Variants in OTUD7A observed in about 807,000 individuals in gnomAD.
The protein encoded by OTUD7A is OTU deubiquitinase 7A.
Under a neutral mutation model 65.7 loss-of-function variants are expected in OTUD7A, and 12 were observed. The ratio of observed to expected loss-of-function variants is 0.18; its 90% CI spans 0.12 to 0.30. The LOEUF (loss-of-function observed/expected upper bound fraction) is 0.30, where lower values mean the gene tolerates loss of function less well. Ranked by LOEUF, OTUD7A falls within the 10% of genes least tolerant of loss-of-function variation. OTUD7A has a pLI of 1.00. For synonymous variants in OTUD7A, 641 were observed against 586.3 expected (o/e 1.09, Z -1.35); for missense variants, 1,148 against 1,304.8 (o/e 0.88, Z 1.85).
intron 1 of OTUD7A, among the ~76,000 whole-genome samples, chr15:31,735,324 A>G (rs1894158270): frequency 6.6e-6 from 1 of 152,134 alleles, no homozygotes; most frequent in South Asian, 2.1e-4. Flanking sequence ...TCAGGGGTTC[A>G]AGACCAGCCT....
intron 4 of OTUD7A, among the ~76,000 whole-genome samples, chr15:31,567,463 A>G (rs1381415286): frequency 6.6e-6 from 1 of 152,206 alleles, no homozygotes; most frequent in East Asian, 1.9e-4. Flanking sequence ...GGGAAGCAGA[A>G]TGTAAAAGGG....
Position 31,511,141 on chromosome 15 carries a change from TAC to T in OTUD7A, c.894-7325_894-7324del, listed in dbSNP as rs796533165. On this transcript the variant is annotated intron_variant, in intron 8 of 12. Coordinates refer to ENST00000307050, the MANE Select transcript of OTUD7A (RefSeq NM_001382637.1). ...TACATATGTATATCTATATGTAACA[TAC>T]ATATGTATATCTATATGTAACATAC... Among the ~76,000 whole-genome samples, 57 of 20,034 alleles carry T rather than the reference TAC, an allele frequency of 2.8e-3. 19 individuals carry two copies. Among genetic ancestry groups the T allele is most frequent in the Non-Finnish European group, 3.8e-3 (47 of 12,258 alleles). 13.1% of individuals were successfully genotyped at this position (20,034 alleles called of 152,430 possible).
chr15:31,748,380 T>A (rs987382773), intron 1 of OTUD7A, among the ~76,000 whole-genome samples: 2 of 151,558 alleles, frequency 1.3e-5, no homozygotes, highest in African/African-American at 4.8e-5. Context: ...TGTGCCTATA[T>A]ATACACAAAC....
chr15:31,687,821 G>C (rs1892873134), intron 1 of OTUD7A, among the ~76,000 whole-genome samples: 1 of 152,308 alleles, frequency 6.6e-6, no homozygotes, highest in Admixed American at 6.5e-5. Flanking sequence ...ACCATCAAGG[G>C]ATGCTAAGAT....
rs140728111 is a variant in OTUD7A at position 31,487,227 on chromosome 15, G to A, written c.1338C>T (p.Asn446=). Residue 446 remains asparagine, a synonymous_variant, in exon 12 of 13, where the codon AAC becomes AAT. Coordinates refer to ENST00000307050, the MANE Select transcript of OTUD7A (RefSeq NM_001382637.1). This position sits in a 1 kb window ranked among gnomAD's most constrained non-coding sequence, Gnocchi z 6.0. ...AKLNLLHSYM[N]VTWIRIPSET... ...CGGAGGGGATCCGGATCCACGTCAC[G>A]TTCATGTAGCTGTGCAGAAGGTTCA... is the stretch of plus-strand genomic sequence containing the variant. 176 of 1,614,064 alleles carry A rather than the reference G, an allele frequency of 1.1e-4. No homozygotes were observed. In the African/African-American group the frequency reaches 1.9e-3, roughly 18 times the overall value.
intron 3 of OTUD7A, among the ~76,000 whole-genome samples, chr15:31,597,560 A>T (rs1479694256): frequency 6.6e-6 from 1 of 151,398 alleles, no homozygotes; most frequent in East Asian, 1.9e-4. Flanking sequence ...CCCTTGGTGC[A>T]GGCCTCTCTC....
chr15:31,575,473 C>T (rs926221321), intron 3 of OTUD7A, among the ~76,000 whole-genome samples: 3 of 152,196 alleles, frequency 2.0e-5, no homozygotes, highest in African/African-American at 7.2e-5. Flanking sequence ...TTACCTAGAG[C>T]GTACCATAAA....
intron 5 of OTUD7A, among the ~76,000 whole-genome samples, chr15:31,544,313 T>A (rs1232354125): frequency 1.3e-5 from 2 of 151,698 alleles, no homozygotes; most frequent in Non-Finnish European, 3.0e-5. Context: ...GAATTAATCA[T>A]CCATGTTAAA....
chr15:31,566,618 G>A (rs1048056932), intron 4 of OTUD7A, among the ~76,000 whole-genome samples: 2 of 152,182 alleles, frequency 1.3e-5, no homozygotes, highest in Non-Finnish European at 1.5e-5. Flanking sequence ...GTTGAAATGT[G>A]ATCCCCAATC....
intron 1 of OTUD7A, among the ~76,000 whole-genome samples, chr15:31,736,143 T>C (rs918342059): frequency 2.0e-5 from 3 of 152,168 alleles, no homozygotes; most frequent in African/African-American, 7.2e-5. Context: ...TGAAATAATC[T>C]GTACAACAAA....
In OTUD7A at chr15:31,729,186, G is replaced by A. The variant is rs376220947; in HGVS notation, c.-99-72109C>T. ...AAAAAGTTAGTATATATAGGGTTTG[G>A]TACTAGCTGCAGTTTCAGGTATCCA... On this transcript the variant is annotated intron_variant, in intron 1 of 12. Coordinates refer to ENST00000307050, the MANE Select transcript of OTUD7A (RefSeq NM_001382637.1). 2.0e-4 allele frequency among the ~76,000 whole-genome samples: 30 copies of A among 152,270 alleles called. 1 individual carries two copies. Among genetic ancestry groups the A allele is most frequent in the African/African-American group, 7.2e-4 (30 of 41,546 alleles).
chr15:31,866,161 T>C (rs920197327), intron 1 of OTUD7A, among the ~76,000 whole-genome samples: 3 of 152,254 alleles, frequency 2.0e-5, no homozygotes, highest in Non-Finnish European at 4.4e-5. Context: ...TAATTGCTAA[T>C]AGCAAGGACT....
At chr15:31,820,997 T>G (rs145079515) in intron 1 of OTUD7A, among the ~76,000 whole-genome samples, 2 of 151,810 alleles carry the variant, frequency 1.3e-5, no homozygotes, top group East Asian at 3.9e-4. Flanking sequence ...CGAGACTACT[T>G]TCTGTCTCTA....
At chr15:31,557,868 C>T (rs1405920422) in intron 5 of OTUD7A, 2 of 152,222 alleles carry the variant, frequency 1.3e-5, no homozygotes, top group Non-Finnish European at 2.9e-5. Flanking sequence ...CCGAGAAAAG[C>T]TCTACTCCCT....
chr15:31,776,397 A>G (rs1376058697), intron 1 of OTUD7A, among the ~76,000 whole-genome samples: 5 of 152,102 alleles, frequency 3.3e-5, no homozygotes, highest in Admixed American at 2.0e-4. Context: ...GGCTGCCAGA[A>G]TCTGTGGGGA....
chr15:31,588,215 T>C (rs1001745099), intron 3 of OTUD7A, among the ~76,000 whole-genome samples: 2 of 152,170 alleles, frequency 1.3e-5, no homozygotes, highest in Non-Finnish European at 2.9e-5. Context: ...TTTAATTCCA[T>C]ACAACAATAC....
intron 5 of OTUD7A, among the ~76,000 whole-genome samples, chr15:31,537,385 A>C (rs1353020690): frequency 6.6e-6 from 1 of 152,242 alleles, no homozygotes; most frequent in Admixed American, 6.5e-5. Context: ...AAAGTTAAGT[A>C]GACGAACATC....
chr15:31,688,075 G>C (rs1892878565), intron 1 of OTUD7A, among the ~76,000 whole-genome samples: 1 of 152,236 alleles, frequency 6.6e-6, no homozygotes, highest in Non-Finnish European at 1.5e-5. Context: ...AATTAGCTGG[G>C]CGTGGTGACG....
chr15:31,858,525 C>A (rs544511131), intron 1 of OTUD7A, among the ~76,000 whole-genome samples: 1 of 152,168 alleles, frequency 6.6e-6, no homozygotes, highest in East Asian at 1.9e-4. Context: ...TAGTTAAGGG[C>A]ACAAAGACTC....
Sources: gnomAD v4.1 joint callset for allele counts (sites outside exome capture counted in the v4.1 genomes callset) on GRCh38, gnomAD v4.1.1 for gene constraint, Gnocchi (gnomAD v3.1) non-coding constraint, MANE v1.5 for transcripts, NCBI Gene and HGNC (gene_info 2026-07-23, HGNC 2026-07-21) for gene names.